RUNX1: variants seen among roughly 807,000 people sequenced by gnomAD.
The protein encoded by RUNX1 is runt-related transcription factor 1.
In RUNX1, 19 loss-of-function variants were observed where a neutral mutation model predicts 42.8. The ratio of observed to expected loss-of-function variants is 0.44; its 90% confidence interval spans 0.31 to 0.65. The LOEUF (loss-of-function observed/expected upper bound fraction) is 0.65. RUNX1 is among the 30% of genes least tolerant of loss of function. The pLI is 0.07. For synonymous variants in RUNX1, 271 were observed against 289.4 expected (o/e 0.94, Z 0.64); for missense variants, 528 against 672.0 (o/e 0.79, Z 2.37).
intron 2 of RUNX1, among the ~76,000 whole-genome samples, chr21:35,024,058 C>T (rs902281196): frequency 8.6e-5 from 13 of 152,016 alleles, no homozygotes; most frequent in African/African-American, 3.1e-4. Context: ...CACATATCTG[C>T]ACAGCAAAAG....
At chr21:34,817,807 T>C (rs2056848618) in intron 7 of RUNX1, among the ~76,000 whole-genome samples, 2 of 152,152 alleles carry the variant, frequency 1.3e-5, no homozygotes. Context: ...TTTGACTAAG[T>C]AATGATCCTT....
chr21:34,819,180 A>C (rs2056872823), intron 7 of RUNX1, among the ~76,000 whole-genome samples: 1 of 152,198 alleles, frequency 6.6e-6, no homozygotes, highest in Admixed American at 6.5e-5. Flanking sequence ...AACTCACAGC[A>C]CCATTGAATG....
intron 2 of RUNX1, among the ~76,000 whole-genome samples, chr21:35,037,668 G>A (rs866923559): frequency 1.3e-5 from 2 of 152,144 alleles, no homozygotes; most frequent in South Asian, 2.1e-4. Context: ...AGCAGGTCAC[G>A]TAACCTTGGC....
At chr21:34,852,474 A>C (rs1220500985) in intron 6 of RUNX1, among the ~76,000 whole-genome samples, 2 of 152,230 alleles carry the variant, frequency 1.3e-5, no homozygotes, top group African/African-American at 4.8e-5. Flanking sequence ...TTCAACAGAA[A>C]GACATTCTAA....
intron 2 of RUNX1, among the ~76,000 whole-genome samples, chr21:34,989,537 G>C (rs1246796231): frequency 6.6e-6 from 1 of 152,008 alleles, no homozygotes; most frequent in Non-Finnish European, 1.5e-5. Context: ...ATCCCCTTGG[G>C]CAACTGCCTG....
chr21:34,959,898 A>G (rs2058671016), intron 2 of RUNX1, among the ~76,000 whole-genome samples: 1 of 152,200 alleles, frequency 6.6e-6, no homozygotes, highest in Non-Finnish European at 1.5e-5. Context: ...CAGGGTGGGC[A>G]ACCTAGTAAC....
At chr21:34,963,201 T>G (rs1029325371) in intron 2 of RUNX1, among the ~76,000 whole-genome samples, 9 of 152,136 alleles carry the variant, frequency 5.9e-5, no homozygotes, top group Non-Finnish European at 1.0e-4. Context: ...GCACACTCTT[T>G]GGTTTCCAAA....
chr21:34,865,396 C>T (rs372997027), intron 5 of RUNX1, among the ~76,000 whole-genome samples: 16 of 152,020 alleles, frequency 1.1e-4, no homozygotes, highest in African/African-American at 2.9e-4. Context: ...ACTCCTGCCC[C>T]GCCAGCTGGC....
chr21:34,944,950 G>A (rs1418459153), intron 2 of RUNX1, among the ~76,000 whole-genome samples: 8 of 152,278 alleles, frequency 5.3e-5, no homozygotes, highest in Non-Finnish European at 1.0e-4. Context: ...TATGAGGCCT[G>A]GCAAATTATG....
chr21:34,790,138 C>G lies in RUNX1; in HGVS notation c.*1997G>C. On this transcript the variant is annotated 3_prime_UTR_variant, in exon 9 of 9. Coordinates refer to ENST00000675419, the MANE Select transcript of RUNX1 (RefSeq NM_001754.5). ...TTGTCCGAGATCTGCTATAGCTCTTCTCTAGATAAGAACGACCTGACAACA... is the reference window on the plus strand; with the variant it reads ...TTGTCCGAGATCTGCTATAGCTCTTGTCTAGATAAGAACGACCTGACAACA... 4.3e-6 allele frequency: 1 copy of G among 233,190 alleles called. No individual in the cohort carries two copies. Among genetic ancestry groups the G allele is most frequent in the Non-Finnish European group, 8.5e-6 (1 of 117,796 alleles). The allele number at this position is 233,190 out of a possible 1,614,324, so 14.4% of individuals were successfully genotyped here. A position where few individuals can be genotyped will look rare whatever the true frequency, so the allele number is the denominator to read the frequency against.
At chr21:34,936,764 GT>G in intron 2 of RUNX1, among the ~76,000 whole-genome samples, 1 of 152,142 alleles carries the variant, frequency 6.6e-6, no homozygotes, top group Non-Finnish European at 1.5e-5. Flanking sequence ...AAAAGACTCT[GT>G]TTTAAAGCTC....
intron 2 of RUNX1, among the ~76,000 whole-genome samples, chr21:34,950,284 A>AT (rs942681617): frequency 4.6e-5 from 7 of 152,146 alleles, no homozygotes; most frequent in African/African-American, 1.7e-4. Context: ...GTAATATTTT[A>AT]TTTTTCAAAT....
rs2056773590 is a variant in RUNX1, at chr21:34,812,712, T to A, written c.806-13250A>T. Among the ~76,000 whole-genome samples, 3 of 152,144 alleles carry A rather than the reference T, an allele frequency of 2.0e-5. No individual in the cohort carries two copies. The South Asian group carries it at 6.2e-4, about 32-fold the overall frequency. On this transcript the variant is annotated intron_variant, in intron 7 of 8. Coordinates refer to ENST00000675419, the MANE Select transcript of RUNX1 (RefSeq NM_001754.5). ...TTCAAATACAACCTTCATACTTCAA[T>A]AGATGAGGTCACCCTGAGAAAGATG... is the stretch of plus-strand genomic sequence containing the variant.
At chr21:34,851,319 G>C (rs2057415152) in intron 6 of RUNX1, among the ~76,000 whole-genome samples, 1 of 152,202 alleles carries the variant, frequency 6.6e-6, no homozygotes, top group African/African-American at 2.4e-5. Context: ...GCCTCTAAGG[G>C]GCCAGTTTAC....
At chr21:34,895,475 C>T (rs1284283163) in intron 2 of RUNX1, among the ~76,000 whole-genome samples, 1 of 152,186 alleles carries the variant, frequency 6.6e-6, no homozygotes, top group Non-Finnish European at 1.5e-5. Flanking sequence ...GGGCCAACAG[C>T]CCCTGGTGGG....
chr21:35,040,845 G>T (rs546627343), intron 2 of RUNX1, among the ~76,000 whole-genome samples: 1 of 151,354 alleles, frequency 6.6e-6, no homozygotes, highest in Non-Finnish European at 1.5e-5. Context: ...AATACCCTGC[G>T]GTGTGTTCAG....
chr21:34,902,186 T>C (rs1370661490), intron 2 of RUNX1, among the ~76,000 whole-genome samples: 1 of 152,228 alleles, frequency 6.6e-6, no homozygotes, highest in Non-Finnish European at 1.5e-5. Flanking sequence ...ACTCTTTCAC[T>C]AGGAGAATTA....
At chr21:34,934,029 A>G (rs768696767) in intron 2 of RUNX1, among the ~76,000 whole-genome samples, 1 of 152,160 alleles carries the variant, frequency 6.6e-6, no homozygotes, top group Non-Finnish European at 1.5e-5. Context: ...CTTTTGATCA[A>G]TGAGAGGCAG....
At position 34,984,557 on chromosome 21, in the gene RUNX1, G is replaced by A. The variant is rs931678611; in HGVS notation, c.58+64285C>T. 1.6e-4 allele frequency among the ~76,000 whole-genome samples: 24 copies of A among 152,296 alleles called. No individual in the cohort carries two copies. The East Asian group carries it at 1.7e-3, about 11-fold the overall frequency. ...ATTTCAGAGGAAGTGGTGGCAAAAG[G>A]AAGAAGAGAAAGAAGTTGGTGGCTT... is the stretch of plus-strand genomic sequence containing the variant. On this transcript the variant is annotated intron_variant, in intron 2 of 8. Transcript: ENST00000675419.
Sources: gnomAD v4.1 joint callset for allele counts (sites outside exome capture counted in the v4.1 genomes callset) on GRCh38, gnomAD v4.1.1 for gene constraint, MANE v1.5 for transcripts, NCBI Gene and HGNC (gene_info 2026-07-23, HGNC 2026-07-21) for gene names.